Variants in NPAS3 observed in about 807,000 individuals in gnomAD.
NPAS3 encodes neuronal PAS domain protein 3.
A neutral mutation model predicts 73.1 loss-of-function variants in NPAS3; 14 were observed. That is an observed-to-expected ratio of 0.19 (90% CI 0.13 to 0.30). The LOEUF (loss-of-function observed/expected upper bound fraction) is 0.30, where lower values mean the gene tolerates loss of function less well. Ranked by LOEUF, NPAS3 falls within the 10% of genes least tolerant of loss-of-function variation. The pLI is 1.00. For missense variants in NPAS3, 1,096 were observed against 1,250.0 expected (o/e 0.88, Z 1.86); for synonymous variants, 620 against 541.5 (o/e 1.14, Z -2.01).
chr14:33,687,247 T>C (rs1332564505), intron 6 of NPAS3, among the ~76,000 whole-genome samples: 2 of 152,188 alleles, frequency 1.3e-5, no homozygotes, highest in African/African-American at 2.4e-5. Flanking sequence ...TAATAAAATA[T>C]GGAAAATTTT....
At chr14:33,580,447 G>T (rs1351976643) in intron 5 of NPAS3, among the ~76,000 whole-genome samples, 1 of 152,198 alleles carries the variant, frequency 6.6e-6, no homozygotes, top group African/African-American at 2.4e-5. Context: ...AACTGTGTGA[G>T]GCCAGACGGC....
At chr14:33,326,184 G>T (rs1266280514) in intron 3 of NPAS3, among the ~76,000 whole-genome samples, 1 of 152,144 alleles carries the variant, frequency 6.6e-6, no homozygotes, top group Non-Finnish European at 1.5e-5. Context: ...GAGCCGCAGT[G>T]CAGGACAGAG....
chr14:33,048,774 A>G (rs2040599953), intron 1 of NPAS3, among the ~76,000 whole-genome samples: 1 of 152,266 alleles, frequency 6.6e-6, no homozygotes, highest in South Asian at 2.1e-4. Flanking sequence ...AATGAGACCA[A>G]GAACACTCTG....
chr14:33,363,175 T>C (rs34929630), intron 3 of NPAS3, among the ~76,000 whole-genome samples: 5,614 of 152,284 alleles, frequency 0.037, 155 homozygotes, highest in Non-Finnish European at 0.057. Flanking sequence ...TCCTCAGCCC[T>C]CCTCACGTGA....
At chr14:33,468,573 G>A (rs1402473007) in intron 4 of NPAS3, among the ~76,000 whole-genome samples, 2 of 152,070 alleles carry the variant, frequency 1.3e-5, no homozygotes, top group Admixed American at 6.5e-5. Flanking sequence ...TATTAATGAA[G>A]GCACTAATTC....
chr14:33,177,311 T>G (rs1365166217), intron 2 of NPAS3, among the ~76,000 whole-genome samples: 1 of 151,938 alleles, frequency 6.6e-6, no homozygotes, highest in African/African-American at 2.4e-5. Context: ...TTGGCCAGGA[T>G]GGTCTTGATC....
chr14:33,788,669 C>G (rs1163155522), intron 9 of NPAS3, among the ~76,000 whole-genome samples: 1 of 152,138 alleles, frequency 6.6e-6, no homozygotes, highest in Non-Finnish European at 1.5e-5. Context: ...TGAAGGCAAA[C>G]TTGTACTGAT....
intron 2 of NPAS3, among the ~76,000 whole-genome samples, chr14:33,070,465 C>T (rs1325019479): frequency 6.6e-6 from 1 of 152,142 alleles, no homozygotes; most frequent in African/African-American, 2.4e-5. Flanking sequence ...CTGTGAGGCA[C>T]TCAGGTTCTG....
intron 5 of NPAS3, among the ~76,000 whole-genome samples, chr14:33,599,438 T>C (rs1322807070): frequency 2.0e-5 from 3 of 152,218 alleles, no homozygotes; most frequent in Non-Finnish European, 4.4e-5. Context: ...AGAACTTCAC[T>C]ACTGAGTAAG....
intron 7 of NPAS3, among the ~76,000 whole-genome samples, chr14:33,769,752 TTTTC>T (rs1566519955): frequency 1.1e-4 from 10 of 90,236 alleles, no homozygotes; most frequent in African/African-American, 1.7e-4. Flanking sequence ...TGGATTTTTT[TTTTC>T]TTTTTTTTTT....
intron 1 of NPAS3, among the ~76,000 whole-genome samples, chr14:33,010,362 A>G: frequency 6.6e-6 from 1 of 152,160 alleles, no homozygotes; most frequent in East Asian, 1.9e-4. Context: ...TAAAAGTACC[A>G]ACAAATACAG....
intron 4 of NPAS3, among the ~76,000 whole-genome samples, chr14:33,545,144 G>T (rs527998954): frequency 6.6e-6 from 1 of 151,948 alleles, no homozygotes; most frequent in South Asian, 2.1e-4. Flanking sequence ...GAGTTGTAAA[G>T]GGAAATATTT....
At chr14:32,994,636 G>GTT (rs35991922) in intron 1 of NPAS3, among the ~76,000 whole-genome samples, 1,518 of 135,264 alleles carry the variant, frequency 0.011, 48 homozygotes, top group African/African-American at 0.035. Context: ...GTTTGTTTTT[G>GTT]TTTTTTTTTT....
intron 2 of NPAS3, among the ~76,000 whole-genome samples, chr14:33,063,404 A>G (rs2138591180): frequency 6.6e-6 from 1 of 152,316 alleles, no homozygotes; most frequent in East Asian, 1.9e-4. Flanking sequence ...TGGAATTAAG[A>G]TTAGTATCAG....
intron 5 of NPAS3, among the ~76,000 whole-genome samples, chr14:33,573,039 A>AAAC (rs2056289541): frequency 6.6e-6 from 1 of 151,820 alleles, no homozygotes; most frequent in African/African-American, 2.4e-5. Flanking sequence ...AAAAAAAAAA[A>AAAC]AAAAGTTAAT....
chr14:33,215,006 T>G, intron 2 of NPAS3, 176 bp from the exon 3 acceptor site: 1 of 636,708 alleles, frequency 1.6e-6, no homozygotes. Flanking sequence ...AGGCCAGAGT[T>G]AGAGTTTATG....
At chr14:33,383,249 C>T (rs1251727344) in intron 4 of NPAS3, among the ~76,000 whole-genome samples, 5 of 152,070 alleles carry the variant, frequency 3.3e-5, no homozygotes, top group African/African-American at 4.8e-5. Flanking sequence ...TGTTCATCTT[C>T]GTGTCTTCCA....
At position 33,788,276 on chromosome 14, in the gene NPAS3, A is replaced by G. The variant is rs145855068; in HGVS notation, c.1154-5621A>G. Among the ~76,000 whole-genome samples, 81 of 152,320 alleles carry G rather than the reference A, an allele frequency of 5.3e-4. 1 individual carries two copies. In the East Asian group the frequency reaches 0.015, roughly 28 times the overall value. ...TCTCCGTTCTCCGCGGCCACTGACG[A>G]AGGTACCTCCAGGAGGGGGTGAATG... On this transcript the variant is annotated intron_variant, in intron 9 of 11. Coordinates refer to ENST00000356141, the Ensembl canonical transcript of NPAS3.
At chr14:33,322,192 G>T (rs1459176189) in intron 3 of NPAS3, among the ~76,000 whole-genome samples, 1 of 152,166 alleles carries the variant, frequency 6.6e-6, no homozygotes. Flanking sequence ...AAAATTACTG[G>T]CAGTGATAAA....
Sources: allele counts gnomAD v4.1 joint callset (sites outside exome capture counted in the v4.1 genomes callset), GRCh38; gene constraint gnomAD v4.1.1; transcripts MANE v1.5; gene names NCBI Gene and HGNC (gene_info 2026-07-23, HGNC 2026-07-21).